Variants in ATXN3 observed in about 807,000 individuals in gnomAD.
ATXN3 encodes ataxin-3.
Under a neutral mutation model 58.2 loss-of-function variants are expected in ATXN3, and 28 were observed. The observed-to-expected ratio is 0.48, with a 90% CI of 0.36 to 0.66. The LOEUF is 0.66. Among genes scored for constraint, ATXN3 ranks in the 30% least tolerant of loss-of-function variants. ATXN3 has a pLI of 0.00. For missense variants in ATXN3, 321 were observed against 422.1 expected (o/e 0.76, Z 2.10); for synonymous variants, 113 against 138.5 (o/e 0.82, Z 1.29).
downstream of ATXN3, among the ~76,000 whole-genome samples, chr14:92,057,243 G>T (rs192205866): frequency 6.2e-4 from 95 of 152,182 alleles, no homozygotes; most frequent in Non-Finnish European, 6.0e-4. Context: ...TGGTGAAACC[G>T]CATCTCTACT....
At chr14:92,090,918 C>T (rs1385422391) in intron 5 of ATXN3, among the ~76,000 whole-genome samples, 5 of 150,198 alleles carry the variant, frequency 3.3e-5, no homozygotes, top group Non-Finnish European at 5.9e-5. Context: ...GATTCCCACT[C>T]GCATCAGCCT....
At chr14:92,090,086 T>C (rs1420831570) in intron 5 of ATXN3, among the ~76,000 whole-genome samples, 2 of 152,144 alleles carry the variant, frequency 1.3e-5, no homozygotes, top group African/African-American at 4.8e-5. Flanking sequence ...TAAAAATGTT[T>C]TTAAAAAGCA....
intron 10 of ATXN3, among the ~76,000 whole-genome samples, chr14:92,069,593 G>A (rs926214115): frequency 3.3e-5 from 5 of 151,904 alleles, no homozygotes; most frequent in Middle Eastern, 3.2e-3. Context: ...GGCTGGTCTC[G>A]AACACTTGAC....
intron 8 of ATXN3, among the ~76,000 whole-genome samples, chr14:92,081,493 A>G (rs972979120): frequency 5.4e-5 from 8 of 148,262 alleles, no homozygotes; most frequent in African/African-American, 1.7e-4. Context: ...AAAAGAAAGA[A>G]AAAAAAAAAA....
At chr14:92,096,572 C>T (rs1414713698) in intron 2 of ATXN3, 102 bp downstream of exon 2, 12 of 1,221,194 alleles carry the variant, frequency 9.8e-6, no homozygotes, top group East Asian at 4.8e-5. Flanking sequence ...TGCAGTGAGC[C>T]GAGATCGCGC....
intron 9 of ATXN3, chr14:92,079,265 T>C (rs997483357): frequency 1.6e-5 from 3 of 192,228 alleles, no homozygotes; most frequent in Non-Finnish European, 2.9e-5. Flanking sequence ...AGTATGCTAG[T>C]TTTTCTACTT....
intron 1 of ATXN3, among the ~76,000 whole-genome samples, chr14:92,106,079 T>C (rs2068259382): frequency 6.6e-6 from 1 of 150,618 alleles, no homozygotes; most frequent in Admixed American, 6.6e-5. Flanking sequence ...CAATATAGAA[T>C]TGAGCAGTCC....
chr14:92,093,791 A>G lies in ATXN3; in HGVS notation c.275T>C (p.Ile92Thr), dbSNP rs768626702. 6.2e-7 allele frequency: 1 copy of G among 1,612,976 alleles called. No homozygotes were observed. The highest frequency in any genetic ancestry group is 8.5e-7 in the Non-Finnish European group (1 of 1,178,942). Residue 92 changes from isoleucine (I) to threonine (T), a missense_variant, in exon 4 of 11, where the codon ATC becomes ACC. Ile to Thr is a moderately conservative substitution (Grantham distance 89). Transcript: ENST00000644486. ...CTGATACTCTGGACTGTTGAACAGG[A>G]TTAGTTCTAAACCCCAAACTTTCAA... The part of the protein sequence containing the change: ...NALKVWGLEL[I>T]LFNSPEYQRL...
In ATXN3 at chr14:92,071,041, C is replaced by T; in HGVS notation, c.885G>A (p.Lys295=). The change falls in exon 10 of 11, where the codon AAG becomes AAA. Residue 295 remains lysine, a synonymous_variant. Transcript: ENST00000644486. Reference sequence around the variant, plus strand: ...GCTGCTGCTGCTGCTGCTGTTGCTGCTTTTGCTGCTGTCTGAAACATTCAA... The same window carrying T: ...GCTGCTGCTGCTGCTGCTGTTGCTGTTTTTGCTGCTGTCTGAAACATTCAA... ...REAYFEKQQQ[K]QQQQQQQQQQ... is the part of the protein sequence containing the mutation. 6.2e-7 allele frequency: 1 copy of T among 1,605,584 alleles called. No homozygotes were observed. The highest frequency in any genetic ancestry group is 1.4e-5 in the African/African-American group (1 of 72,708).
At chr14:92,049,829 A>G (rs2057441961), upstream of ATXN3, 1 of 152,338 alleles carries the variant, frequency 6.6e-6, no homozygotes, top group Non-Finnish European at 1.5e-5. Context: ...GTGAAAAAGA[A>G]TGAGACATGT....
At position 92,106,513 on chromosome 14, in the gene ATXN3, G is replaced by A. The variant is rs902850038; in HGVS notation, c.24+16C>T. ...ACCGCGCGGCAGACAGCTCCCCACCGAACGCGGACACTCACTTTCTCGTGG... is the reference window on the plus strand; with the variant it reads ...ACCGCGCGGCAGACAGCTCCCCACCAAACGCGGACACTCACTTTCTCGTGG... On this transcript the variant is annotated intron_variant, in intron 1 of 10. Transcript: ENST00000644486. 5.6e-6 allele frequency: 9 copies of A among 1,613,038 alleles called. No homozygotes were observed. The highest frequency in any genetic ancestry group is 7.6e-6 in the Non-Finnish European group (9 of 1,179,534).
chr14:92,083,293 T>C lies in ATXN3; in HGVS notation c.476-35A>G, dbSNP rs762617605. The C allele has an allele frequency of 2.6e-6, 4 of 1,565,676 alleles. No homozygotes were observed. The East Asian group carries it at 6.7e-5, about 26-fold the overall frequency. On this transcript the variant is annotated intron_variant, in intron 6 of 10. Coordinates refer to ENST00000644486, the MANE Select transcript of ATXN3 (RefSeq NM_004993.6). ...AAAGGCAAAAATCAACCTAACCAGTTAGTAAAGAGATTCAAAATTGATGTA... is the reference window on the plus strand; with the variant it reads ...AAAGGCAAAAATCAACCTAACCAGTCAGTAAAGAGATTCAAAATTGATGTA...
chr14:92,097,250 C>CA (rs2141170696), intron 1 of ATXN3, among the ~76,000 whole-genome samples: 1 of 144,614 alleles, frequency 6.9e-6, no homozygotes, highest in South Asian at 2.2e-4. Flanking sequence ...TTTTTTGAGA[C>CA]AGAGTCTTGC....
chr14:92,053,715 T>C (rs2057456130), downstream of ATXN3, among the ~76,000 whole-genome samples: 2 of 151,986 alleles, frequency 1.3e-5, no homozygotes, highest in African/African-American at 4.8e-5. Flanking sequence ...CTCAAGCTGG[T>C]CTCAAACTCA....
chr14:92,106,122 G>A (rs892452058), intron 1 of ATXN3, among the ~76,000 whole-genome samples: 9 of 152,266 alleles, frequency 5.9e-5, no homozygotes, highest in Admixed American at 2.6e-4. Context: ...CCAGGATTAG[G>A]GTAGGAGGGG....
chr14:92,064,083 A>C lies in ATXN3; in HGVS notation c.*237T>G. 1 of 288,242 alleles carries C rather than the reference A, an allele frequency of 3.5e-6. No individual in the cohort carries two copies. Among genetic ancestry groups the C allele is most frequent in the Non-Finnish European group, 6.5e-6 (1 of 154,932 alleles). The allele number at this position is 288,242 out of a possible 1,614,324, so 17.9% of individuals were successfully genotyped here. A position where few individuals can be genotyped will look rare whatever the true frequency, so the allele number is the denominator to read the frequency against. ...GCACACTCAAAAAAGAAAAAGAAACATTTAGAAAACTATTTTAAATGTCTT... is the reference window on the plus strand; with the variant it reads ...GCACACTCAAAAAAGAAAAAGAAACCTTTAGAAAACTATTTTAAATGTCTT... On this transcript the variant is annotated 3_prime_UTR_variant, in exon 11 of 11. Coordinates refer to ENST00000644486, the MANE Select transcript of ATXN3 (RefSeq NM_004993.6).
downstream of ATXN3, among the ~76,000 whole-genome samples, chr14:92,055,524 A>G (rs1206967071): frequency 2.0e-5 from 3 of 152,002 alleles, no homozygotes; most frequent in African/African-American, 2.4e-5. The surrounding 1 kb of genome is among the most constrained non-coding windows in gnomAD (Gnocchi z 4.5). Flanking sequence ...TTTCCCCTCA[A>G]CCATCCCCCG....
At chr14:92,100,500 A>T (rs2066523148) in intron 1 of ATXN3, among the ~76,000 whole-genome samples, 1 of 152,150 alleles carries the variant, frequency 6.6e-6, no homozygotes, top group Non-Finnish European at 1.5e-5. Context: ...AGAATACTAG[A>T]TAACAATGAG....
chr14:92,062,798 T>A lies in ATXN3; in HGVS notation c.*1522A>T, dbSNP rs984442152. The A allele has an allele frequency of 3.3e-5, 5 of 152,632 alleles. No homozygotes were observed. Among genetic ancestry groups the A allele is most frequent in the Non-Finnish European group, 7.4e-5 (5 of 68,026 alleles). 9.5% of individuals were successfully genotyped at this position (152,632 alleles called of 1,614,324 possible). A position where few individuals can be genotyped will look rare whatever the true frequency, so the allele number is the denominator to read the frequency against. On this transcript the variant is annotated 3_prime_UTR_variant, in exon 11 of 11. Transcript: ENST00000644486. Reference sequence around the variant, plus strand: ...ATTTTTTCTTCTCTTTTCAGTTAGTTAGCAATAAATCCTAGATCAAAAAAC... The same window carrying A: ...ATTTTTTCTTCTCTTTTCAGTTAGTAAGCAATAAATCCTAGATCAAAAAAC...
Sources: allele counts gnomAD v4.1 joint callset (sites outside exome capture counted in the v4.1 genomes callset), GRCh38; gene constraint gnomAD v4.1.1; non-coding constraint Gnocchi (gnomAD v3.1); transcripts MANE v1.5; gene names NCBI Gene and HGNC (gene_info 2026-07-23, HGNC 2026-07-21).